The following SYMPK variants were observed in gnomAD, a reference collection of about 807,000 sequenced individuals.
The protein encoded by SYMPK is symplekin scaffold protein, also known as symplekin.
SYMPK carries 49 observed loss-of-function variants against 136.4 expected under a neutral mutation model. The observed-to-expected ratio is 0.36, with a 90% CI of 0.29 to 0.46. SYMPK has a LOEUF of 0.46. Ranked by LOEUF, SYMPK falls within the 20% of genes least tolerant of loss-of-function variation. The pLI, the probability that SYMPK is intolerant of heterozygous loss-of-function variation, is 1.00. For synonymous variants in SYMPK, 766 were observed against 713.0 expected (o/e 1.07, Z -1.19); for missense variants, 1,365 against 1,690.0 (o/e 0.81, Z 3.37).
chr19:45,855,478 G>A (rs923994238), intron 1 of SYMPK: 1 of 152,066 alleles, frequency 6.6e-6, no homozygotes, highest in African/African-American at 2.4e-5. Context: ...CTGAAAAAAA[G>A]TTCATACATA....
At chr19:45,823,216 G>A (rs977729996) in intron 20 of SYMPK, among the ~76,000 whole-genome samples, 156 bp downstream of exon 20, 5 of 152,184 alleles carry the variant, frequency 3.3e-5, no homozygotes, top group African/African-American at 7.2e-5. Flanking sequence ...GTACCCAGGT[G>A]TCGGCGGCTT....
intron 5 of SYMPK, 96 bp from the exon 6 acceptor site, chr19:45,848,972 G>T: frequency 6.9e-7 from 1 of 1,458,596 alleles, no homozygotes; most frequent in Non-Finnish European, 9.5e-7. Flanking sequence ...TCAGGGACCT[G>T]TCTCAGGGGA....
rs1568611245 is a variant in SYMPK, at chr19:45,826,356, C to T, written c.2199G>A (p.Leu733=). Residue 733 remains leucine, a synonymous_variant, in exon 17 of 27, where the codon CTG becomes CTA. Coordinates refer to ENST00000245934, the MANE Select transcript of SYMPK (RefSeq NM_004819.3). ...TCTCATACATGCGTTTGATGAACAG[C>T]AGGGCCTGGGAGCGCACCTGAGGAG... ...HEKDKVRSQA[L]LFIKRMYEKE... 6.2e-7 allele frequency: 1 copy of T among 1,614,158 alleles called. No individual in the cohort carries two copies. Among genetic ancestry groups the T allele is most frequent in the East Asian group, 2.2e-5 (1 of 44,894 alleles).
chr19:45,843,150 C>T (rs537067043), intron 8 of SYMPK: 1 of 152,368 alleles, frequency 6.6e-6, no homozygotes, highest in Admixed American at 6.5e-5. Context: ...AGCCCTTGGA[C>T]TTCTGCTGGA....
Position 45,822,767 on chromosome 19 carries a change from C to T in SYMPK, c.2780G>A (p.Gly927Asp), listed in dbSNP as rs1196631615. Residue 927 changes from glycine (G) to aspartate (D), a missense_variant, in exon 21 of 27, where the codon GGC becomes GAC. Physicochemically the swap from Gly to Asp is moderately conservative, Grantham distance 94 (BLOSUM62 -1). Around this residue, in one of 11 missense-constraint regions of SYMPK, gnomAD observed 156 missense variants for 217.8 expected, o/e 0.72. Transcript: ENST00000245934. ...GCTGCATCACCTACCATGCTGGGTGCCCAGCAGGCGGTTGAAGACTTCCTT... is the reference window on the plus strand; with the variant it reads ...GCTGCATCACCTACCATGCTGGGTGTCCAGCAGGCGGTTGAAGACTTCCTT... Reference protein sequence around the residue: ...VVKEVFNRLLGTQHGEGNSAL... With the variant: ...VVKEVFNRLLDTQHGEGNSAL... The T allele has an allele frequency of 6.2e-7, 1 of 1,613,980 alleles. No homozygotes were observed. The highest frequency in any genetic ancestry group is 8.5e-7 in the Non-Finnish European group (1 of 1,179,928).
chr19:45,850,500 A>AGTGACCAGCTTGAACAAGTCAC (rs1971673816), intron 5 of SYMPK, among the ~76,000 whole-genome samples: 1 of 152,222 alleles, frequency 6.6e-6, no homozygotes, highest in Non-Finnish European at 1.5e-5. Flanking sequence ...CAAATGAGCA[A>AGTGACCAGCTTGAACAAGTCAC]GTGACCAGCT....
At chr19:45,860,167 T>G (rs1971929034) in intron 1 of SYMPK, among the ~76,000 whole-genome samples, 1 of 151,446 alleles carries the variant, frequency 6.6e-6, no homozygotes, top group Non-Finnish European at 1.5e-5. Context: ...TAATATATAT[T>G]GAACACGGCC....
chr19:45,854,733 C>T, intron 1 of SYMPK: 1 of 531,838 alleles, frequency 1.9e-6, no homozygotes, highest in Non-Finnish European at 3.4e-6. Flanking sequence ...CAAGGCAGAG[C>T]CAGAAGTCTC....
chr19:45,847,722 TCAGGGGTGG>T, intron 7 of SYMPK, 21 bp downstream of exon 7: 1 of 1,594,400 alleles, frequency 6.3e-7, no homozygotes, highest in Non-Finnish European at 8.6e-7. Context: ...TGCAGGGCTG[TCAGGGGTGG>T]CAGCTGAAGG....
Position 45,821,128 on chromosome 19 carries a change from A to G in SYMPK, c.2893+256T>C. The stretch of plus-strand genomic sequence containing the variant: ...GGCCCACTCTGTGCCAGGGCACAGC[A>G]GGTACATCAGAGGCAGAAAAAGGTG... On this transcript the variant is annotated intron_variant, in intron 22 of 26. Coordinates refer to ENST00000245934, the MANE Select transcript of SYMPK (RefSeq NM_004819.3). The surrounding 1 kb of genome is among the most constrained non-coding windows in gnomAD (Gnocchi z 4.4). 1.6e-6 allele frequency: 1 copy of G among 613,932 alleles called. No individual in the cohort carries two copies. The highest frequency in any genetic ancestry group is 3.0e-6 in the Non-Finnish European group (1 of 330,594). 38.0% of individuals were successfully genotyped at this position (613,932 alleles called of 1,614,324 possible). A position where few individuals can be genotyped will look rare whatever the true frequency, so the allele number is the denominator to read the frequency against.
Position 45,827,818 on chromosome 19 carries a change from G to C in SYMPK, c.2067+19C>G. The C allele has an allele frequency of 1.2e-6, 2 of 1,613,424 alleles. No individual in the cohort carries two copies. Among genetic ancestry groups the C allele is most frequent in the Middle Eastern group, 3.3e-4 (2 of 6,062 alleles). On this transcript the variant is annotated intron_variant, in intron 15 of 26. Coordinates refer to ENST00000245934, the MANE Select transcript of SYMPK (RefSeq NM_004819.3). ...CCTGTCCCCTGCCCCGGGCTGCACT[G>C]ACCAGGGCCTGTCCTCACCTCATCC...
chr19:45,839,168 C>T (rs1168788820), intron 9 of SYMPK, among the ~76,000 whole-genome samples: 1 of 152,162 alleles, frequency 6.6e-6, no homozygotes, highest in Non-Finnish European at 1.5e-5. Context: ...GGATTACAGG[C>T]ATGAGCCACC....
At chr19:45,846,018 C>T (rs1170049329) in intron 7 of SYMPK, among the ~76,000 whole-genome samples, 2 of 152,156 alleles carry the variant, frequency 1.3e-5, no homozygotes, top group Non-Finnish European at 2.9e-5. Context: ...GGGCAGATCA[C>T]GAGGTCAGGA....
chr19:45,856,222 C>T (rs1971818511), intron 1 of SYMPK, among the ~76,000 whole-genome samples: 1 of 152,054 alleles, frequency 6.6e-6, no homozygotes, highest in Non-Finnish European at 1.5e-5. Context: ...AGCCTATAAT[C>T]CCAGCTACTC....
chr19:45,846,355 C>T (rs966427670), intron 7 of SYMPK, among the ~76,000 whole-genome samples: 18 of 152,172 alleles, frequency 1.2e-4, no homozygotes, highest in Non-Finnish European at 2.2e-4. Context: ...CAGGGAAGGA[C>T]GTCACTGATA....
At chr19:45,852,418 T>C (rs755203367) in intron 4 of SYMPK, 33 bp from the exon 5 acceptor site, 2 of 1,613,878 alleles carry the variant, frequency 1.2e-6, no homozygotes, top group South Asian at 2.2e-5. Flanking sequence ...GGATCAGGGC[T>C]ACACAAGGAT....
chr19:45,839,999 C>T lies in SYMPK; in HGVS notation c.1088-1384G>A, dbSNP rs76846311. On this transcript the variant is annotated intron_variant, in intron 9 of 26. Transcript: ENST00000245934. The stretch of plus-strand genomic sequence containing the variant: ...GCTGGTTGAAACTGTGTTAACCAAG[C>T]GTTCAAAAGTTAATATCTCCAACAA... Among the ~76,000 whole-genome samples the T allele has an allele frequency of 0.012, 1,813 of 152,184 alleles. 213 individuals are homozygous for T. The East Asian group carries it at 0.28, about 24-fold the overall frequency.
At chr19:45,832,571 T>A (rs1971206681) in intron 11 of SYMPK, among the ~76,000 whole-genome samples, 1 of 152,156 alleles carries the variant, frequency 6.6e-6, no homozygotes, top group Non-Finnish European at 1.5e-5. Flanking sequence ...GCAGCTTTAT[T>A]CCCAATGGCC....
chr19:45,854,030 A>C, intron 3 of SYMPK, 145 bp downstream of exon 3: 1 of 752,954 alleles, frequency 1.3e-6, no homozygotes, highest in Non-Finnish European at 2.3e-6. Context: ...TGAGAACTAG[A>C]AGAGCAGAGG....
Sources: gnomAD v4.1 joint callset for allele counts (sites outside exome capture counted in the v4.1 genomes callset) on GRCh38, gnomAD v4.1.1 for gene constraint, gnomAD v4.1.1 regional missense constraint, Gnocchi (gnomAD v3.1) non-coding constraint, MANE v1.5 for transcripts, NCBI Gene and HGNC (gene_info 2026-07-23, HGNC 2026-07-21) for gene names.